Variants in PIAS2 observed in about 807,000 individuals in gnomAD.
PIAS2 encodes protein inhibitor of activated STAT 2.
Under a neutral mutation model 69.7 loss-of-function variants are expected in PIAS2, and 19 were observed. The observed-to-expected ratio is 0.27, with a 90% CI of 0.19 to 0.40. The LOEUF (loss-of-function observed/expected upper bound fraction) is 0.40, where lower values mean the gene tolerates loss of function less well. PIAS2 is among the 10% of genes least tolerant of loss of function. The probability of loss-of-function intolerance (pLI) is 1.00; values close to 1 mark genes in which losing one functional copy is unlikely to be tolerated. For synonymous variants in PIAS2, 261 were observed against 263.2 expected (o/e 0.99, Z 0.08); for missense variants, 624 against 757.0 (o/e 0.82, Z 2.06).
chr18:46,908,611 G>T (rs375951083), intron 1 of PIAS2, among the ~76,000 whole-genome samples: 2 of 151,768 alleles, frequency 1.3e-5, no homozygotes, highest in African/African-American at 4.8e-5. Context: ...AAATATCTTC[G>T]AGAACTCTGT....
At position 46,803,237 on chromosome 18, in the gene PIAS2, T is replaced by C. The variant is rs993646110; in HGVS notation, c.*9196A>G. The C allele has an allele frequency of 6.6e-6, 1 of 151,906 alleles. No individual in the cohort carries two copies. The highest frequency in any genetic ancestry group is 2.4e-5 in the African/African-American group (1 of 41,318). 9.4% of individuals were successfully genotyped at this position (151,906 alleles called of 1,614,324 possible). A position where few individuals can be genotyped will look rare whatever the true frequency, so the allele number is the denominator to read the frequency against. On this transcript the variant is annotated 3_prime_UTR_variant, in exon 14 of 14. Coordinates refer to ENST00000585916, the MANE Select transcript of PIAS2 (RefSeq NM_004671.5). Reference sequence around the variant, plus strand: ...AATGGGTCATAGTTTAATTAGCAGGTTTAATTTTTCTTTAATGTCTTACAA... The same window carrying C: ...AATGGGTCATAGTTTAATTAGCAGGCTTAATTTTTCTTTAATGTCTTACAA...
At chr18:46,839,373 A>G (rs2044950360) in intron 8 of PIAS2, among the ~76,000 whole-genome samples, 2 of 152,208 alleles carry the variant, frequency 1.3e-5, no homozygotes, top group African/African-American at 2.4e-5. Flanking sequence ...GGAAAAATCT[A>G]TCATGCTACT....
At chr18:46,887,956 T>C (rs141106875) in intron 2 of PIAS2, among the ~76,000 whole-genome samples, 252 of 152,270 alleles carry the variant, frequency 1.7e-3, no homozygotes, top group African/African-American at 4.8e-3. Context: ...GGCTCTTATA[T>C]ACAGTAAACC....
Position 46,912,051 on chromosome 18 carries a change from C to CA in PIAS2, c.24+5270dup, listed in dbSNP as rs372654536. Among the ~76,000 whole-genome samples, 939 of 133,624 alleles carry CA rather than the reference C, an allele frequency of 7.0e-3. 6 individuals are homozygous for CA. Among genetic ancestry groups the CA allele is most frequent in the Middle Eastern group, 0.015 (4 of 268 alleles). 87.7% of individuals were successfully genotyped at this position (133,624 alleles called of 152,430 possible). A position where few individuals can be genotyped will look rare whatever the true frequency, so the allele number is the denominator to read the frequency against. Reference sequence around the variant, plus strand: ...GGGCAACAAGAGCAAAATCCTGTCTCAAAAAAAAAAGGAAAAAAGAAAACA... The same window carrying CA: ...GGGCAACAAGAGCAAAATCCTGTCTCAAAAAAAAAAAGGAAAAAAGAAAACA... On this transcript the variant is annotated intron_variant, in intron 1 of 13. Coordinates refer to ENST00000585916, the MANE Select transcript of PIAS2 (RefSeq NM_004671.5).
intron 12 of PIAS2, chr18:46,815,651 A>G: frequency 1.9e-6 from 2 of 1,044,988 alleles, no homozygotes. Context: ...ACAGAATGAG[A>G]AGCAATAAAA....
At chr18:46,850,751 C>T (rs939290468) in intron 5 of PIAS2, among the ~76,000 whole-genome samples, 1 of 152,114 alleles carries the variant, frequency 6.6e-6, no homozygotes, top group African/African-American at 2.4e-5. Flanking sequence ...ATGATAGCTA[C>T]CTAGACCCAT....
Position 46,848,715 on chromosome 18 carries a change from G to A in PIAS2, c.727-1874C>T, listed in dbSNP as rs184005028. Among the ~76,000 whole-genome samples, 724 of 151,912 alleles carry A rather than the reference G, an allele frequency of 4.8e-3. 4 individuals are homozygous for A. Among genetic ancestry groups the A allele is most frequent in the Non-Finnish European group, 8.3e-3 (566 of 67,966 alleles). On this transcript the variant is annotated intron_variant, in intron 5 of 13. Transcript: ENST00000585916. ...TTTGAGCAGGGGAATAAAAGACAAA[G>A]AGAAGAACTTCAATAACTTGCATTA...
At chr18:46,917,630 G>A (rs369816318), upstream of PIAS2, 6 of 859,998 alleles carry the variant, frequency 7.0e-6, no homozygotes, top group South Asian at 5.3e-5. Context: ...GCCCGCCCGC[G>A]CCTGCCCCGG....
chr18:46,899,184 T>C (rs991692870), intron 1 of PIAS2, among the ~76,000 whole-genome samples: 1 of 151,952 alleles, frequency 6.6e-6, no homozygotes, highest in Non-Finnish European at 1.5e-5. Flanking sequence ...AAACATATAA[T>C]ATGGCAGGTC....
chr18:46,914,787 G>A (rs905604776), intron 1 of PIAS2, among the ~76,000 whole-genome samples: 4 of 151,886 alleles, frequency 2.6e-5, no homozygotes, highest in Non-Finnish European at 5.9e-5. Context: ...CATCCAGATC[G>A]GCTGACCAAT....
chr18:46,902,965 AAGAC>A (rs1173345015), intron 1 of PIAS2, among the ~76,000 whole-genome samples: 3 of 152,344 alleles, frequency 2.0e-5, no homozygotes, highest in Admixed American at 6.5e-5. Flanking sequence ...CAGTGGAAGA[AAGAC>A]AGCCTTTCAA....
chr18:46,887,868 C>T (rs911417012), intron 2 of PIAS2, among the ~76,000 whole-genome samples: 4 of 151,964 alleles, frequency 2.6e-5, no homozygotes, highest in African/African-American at 4.8e-5. Context: ...CTAGCCAGAG[C>T]AACTAAGCAA....
chr18:46,905,648 C>T (rs1166048875), intron 1 of PIAS2: 1 of 151,984 alleles, frequency 6.6e-6, no homozygotes, highest in Non-Finnish European at 1.5e-5. Flanking sequence ...CTACAAGTAA[C>T]TGCAAAGAAG....
Position 46,916,954 on chromosome 18 carries a change from C to A in PIAS2, c.24+368G>T, listed in dbSNP as rs1354300104. The stretch of plus-strand genomic sequence containing the variant: ...TTGTGAATAGCCACAGACACGTACA[C>A]CCCGGTGAAGGTGCAAGATCAAACG... On this transcript the variant is annotated intron_variant, in intron 1 of 13. Coordinates refer to ENST00000585916, the MANE Select transcript of PIAS2 (RefSeq NM_004671.5). 10 of 985,672 alleles carry A rather than the reference C, an allele frequency of 1.0e-5. No homozygotes were observed. In the East Asian group the frequency reaches 1.0e-3, roughly 101 times the overall value. 61.1% of individuals were successfully genotyped at this position (985,672 alleles called of 1,614,324 possible). A position where few individuals can be genotyped will look rare whatever the true frequency, so the allele number is the denominator to read the frequency against.
intron 1 of PIAS2, among the ~76,000 whole-genome samples, chr18:46,904,783 T>C (rs1336844960): frequency 2.7e-5 from 4 of 146,116 alleles, no homozygotes; most frequent in Non-Finnish European, 6.0e-5. Flanking sequence ...GAGATGGGGG[T>C]CTCACTATGG....
intron 13 of PIAS2, 82 bp from the exon 14 acceptor site, chr18:46,812,694 C>G: frequency 2.6e-6 from 2 of 778,040 alleles, no homozygotes; most frequent in Non-Finnish European, 4.2e-6. Flanking sequence ...TAGATATGCA[C>G]AAGCAATAGT....
intron 8 of PIAS2, among the ~76,000 whole-genome samples, chr18:46,837,996 A>C (rs1268902227): frequency 6.6e-6 from 1 of 152,202 alleles, no homozygotes; most frequent in African/African-American, 2.4e-5. Context: ...GAAAAGAACA[A>C]ACAGGAAACG....
At chr18:46,896,282 T>G (rs1050411233) in intron 1 of PIAS2, among the ~76,000 whole-genome samples, 1 of 151,504 alleles carries the variant, frequency 6.6e-6, no homozygotes, top group Non-Finnish European at 1.5e-5. Flanking sequence ...CTAAACAAAT[T>G]TCTTTAAACA....
intron 8 of PIAS2, among the ~76,000 whole-genome samples, chr18:46,841,197 T>C (rs969277345): frequency 2.0e-4 from 31 of 152,226 alleles, no homozygotes; most frequent in African/African-American, 7.5e-4. Flanking sequence ...TACTGTGACA[T>C]TACCTTCCTT....
Sources: gnomAD v4.1 joint callset for allele counts (sites outside exome capture counted in the v4.1 genomes callset) on GRCh38, gnomAD v4.1.1 for gene constraint, MANE v1.5 for transcripts, NCBI Gene and HGNC (gene_info 2026-07-23, HGNC 2026-07-21) for gene names.